The following ZFP1 variants were observed in gnomAD, a reference collection of about 807,000 sequenced individuals.
ZFP1 encodes the protein zinc finger protein 1 homolog.
Under a neutral mutation model 38.5 loss-of-function variants are expected in ZFP1, and 32 were observed. The observed-to-expected ratio is 0.83, with a 90% CI of 0.63 to 1.12. The LOEUF (loss-of-function observed/expected upper bound fraction) is 1.12, where lower values mean the gene tolerates loss of function less well. ZFP1 is among the 50% of genes most tolerant of loss of function. The pLI is 0.00. For missense variants in ZFP1, 616 were observed against 480.8 expected (o/e 1.28, Z -2.63); for synonymous variants, 245 against 168.8 (o/e 1.45, Z -3.50).
chr16:75,166,924 C>G, intron 3 of ZFP1, 28 bp downstream of exon 3: 1 of 1,608,212 alleles, frequency 6.2e-7, no homozygotes, highest in Non-Finnish European at 8.5e-7. Context: ...GTACAGCTCA[C>G]CATGTGCCTA....
At chr16:75,133,788 C>A in the ZFP1 span, among the ~76,000 whole-genome samples, 1 of 152,210 alleles carries the variant, frequency 6.6e-6, no homozygotes, top group Non-Finnish European at 1.5e-5. Context: ...GTAACTCACG[C>A]CTGTAATCCC....
chr16:75,153,282 ACATTCCTCAGTGCAAGTGCAG>A (rs2037298166), intron 2 of ZFP1, among the ~76,000 whole-genome samples: 1 of 152,156 alleles, frequency 6.6e-6, no homozygotes, highest in South Asian at 2.1e-4. Context: ...GTTTCATATA[ACATTCCTCAGTGCAAGTGCAG>A]AAGATTATTG....
At chr16:75,124,804 C>A in the ZFP1 span, among the ~76,000 whole-genome samples, 43 of 97,962 alleles carry the variant, frequency 4.4e-4, no homozygotes, top group Middle Eastern at 6.3e-3. Flanking sequence ...AAAAAAAAAG[C>A]AAGGTAAAAG....
intron 2 of ZFP1, among the ~76,000 whole-genome samples, chr16:75,159,528 C>G (rs2037658805): frequency 6.6e-6 from 1 of 151,266 alleles, no homozygotes; most frequent in South Asian, 2.1e-4. Context: ...CCACCCCAGC[C>G]TCTTGTGAAG....
At chr16:75,168,806 G>A (rs1204411346) in intron 3 of ZFP1, among the ~76,000 whole-genome samples, 1 of 152,140 alleles carries the variant, frequency 6.6e-6, no homozygotes, top group Non-Finnish European at 1.5e-5. Flanking sequence ...ATAGTAGTCC[G>A]AGTTTAGCAA....
At chr16:75,141,439 T>C in the ZFP1 span, among the ~76,000 whole-genome samples, 3 of 151,816 alleles carry the variant, frequency 2.0e-5, no homozygotes, top group South Asian at 6.2e-4. Context: ...TCTCCTGAAC[T>C]TGTGATCCGC....
chr16:75,166,446 G>C lies in ZFP1; in HGVS notation c.16-324G>C, dbSNP rs866478979. Reference sequence around the variant, plus strand: ...TCACCATGTTGTCCAGGCTGGTCTCGAACTCCCGACCTCAAGTGATTCCCC... The same window carrying C: ...TCACCATGTTGTCCAGGCTGGTCTCCAACTCCCGACCTCAAGTGATTCCCC... On this transcript the variant is annotated intron_variant, in intron 2 of 3. Coordinates refer to ENST00000570010, the MANE Select transcript of ZFP1 (RefSeq NM_153688.4). 6.5e-5 allele frequency: 42 copies of C among 645,770 alleles called. No homozygotes were observed. The Middle Eastern group carries it at 3.0e-3, about 47-fold the overall frequency. 40.0% of individuals were successfully genotyped at this position (645,770 alleles called of 1,614,324 possible). A position where few individuals can be genotyped will look rare whatever the true frequency, so the allele number is the denominator to read the frequency against.
In ZFP1 at chr16:75,166,929, TGCCTA is replaced by T. The variant is rs778140504; in HGVS notation, c.142+35_142+39del. 1.4e-5 allele frequency: 23 copies of T among 1,595,290 alleles called. No homozygotes were observed. In the South Asian group the frequency reaches 2.5e-4, roughly 17 times the overall value. On this transcript the variant is annotated intron_variant, in intron 3 of 3. Transcript: ENST00000570010. ...CGGTTTTCAGGTACAGCTCACCATG[TGCCTA>T]GAGGTATTTATGTCCTGTCTCAGTG...
At chr16:75,143,963 A>G (rs1033223282), upstream of ZFP1, 1 of 152,176 alleles carries the variant, frequency 6.6e-6, no homozygotes, top group African/African-American at 2.4e-5. Context: ...ACCAGTGGTG[A>G]TATTAATGTA....
chr16:75,161,776 T>TATATATATATATA (rs1225483116), intron 2 of ZFP1, among the ~76,000 whole-genome samples: 7 of 4,468 alleles, frequency 1.6e-3, no homozygotes, highest in Admixed American at 3.2e-3. Flanking sequence ...ATATATATAT[T>TATATATATATATA]TTTTTTTTTT....
the ZFP1 span, among the ~76,000 whole-genome samples, chr16:75,136,930 C>T: frequency 1.6e-4 from 24 of 152,076 alleles, no homozygotes; most frequent in Admixed American, 1.2e-3. Flanking sequence ...ATATGCACAC[C>T]TTAGTATACA....
intron 3 of ZFP1, among the ~76,000 whole-genome samples, chr16:75,168,360 C>T (rs1170009077): frequency 6.6e-6 from 1 of 152,010 alleles, no homozygotes; most frequent in African/African-American, 2.4e-5. Flanking sequence ...GTAGGCTGGG[C>T]ATGGTGGCTC....
the ZFP1 span, among the ~76,000 whole-genome samples, chr16:75,130,288 A>C: frequency 6.6e-6 from 1 of 152,072 alleles, no homozygotes; most frequent in Non-Finnish European, 1.5e-5. Flanking sequence ...GACATGAGCC[A>C]CCATGTCCAG....
Position 75,152,889 on chromosome 16 carries a change from TC to T in ZFP1, c.-43-18del, listed in dbSNP as rs1450728779. ...GGTCAGACCTTTAATAACAATGCCT[TC>T]CTTTTTCCTCTATTCCAGTTCTGCC... On this transcript the variant is annotated intron_variant, in intron 1 of 3. Transcript: ENST00000570010. 1 of 1,607,574 alleles carries T rather than the reference TC, an allele frequency of 6.2e-7. No individual in the cohort carries two copies. Among genetic ancestry groups the T allele is most frequent in the Non-Finnish European group, 8.5e-7 (1 of 1,177,100 alleles).
At chr16:75,139,308 G>A in the ZFP1 span, among the ~76,000 whole-genome samples, 1 of 135,644 alleles carries the variant, frequency 7.4e-6, no homozygotes, top group South Asian at 2.5e-4. Context: ...GTCGGAGCTT[G>A]CAGTGAGCCG....
chr16:75,136,226 C>T, the ZFP1 span, among the ~76,000 whole-genome samples: 2 of 152,152 alleles, frequency 1.3e-5, no homozygotes, highest in African/African-American at 4.8e-5. Flanking sequence ...AACAGCCCCA[C>T]TGAAGAGGGT....
intron 2 of ZFP1, among the ~76,000 whole-genome samples, chr16:75,161,804 G>T (rs2037805121): frequency 1.3e-4 from 1 of 7,784 alleles, no homozygotes; most frequent in Non-Finnish European, 2.9e-4. Flanking sequence ...TTTTTTTCCT[G>T]AGATGGAGTC....
At chr16:75,167,728 G>T (rs2145578463) in intron 3 of ZFP1, among the ~76,000 whole-genome samples, 1 of 152,240 alleles carries the variant, frequency 6.6e-6, no homozygotes, top group East Asian at 1.9e-4. Context: ...GCCTGGAGTA[G>T]CTGGGATCAC....
the ZFP1 span, among the ~76,000 whole-genome samples, chr16:75,136,241 G>C: frequency 6.6e-6 from 1 of 152,198 alleles, no homozygotes; most frequent in African/African-American, 2.4e-5. Context: ...GAGGGTTGGG[G>C]AAAAAGGCGC....
Sources: gnomAD v4.1 joint callset for allele counts (sites outside exome capture counted in the v4.1 genomes callset) on GRCh38, gnomAD v4.1.1 for gene constraint, MANE v1.5 for transcripts, NCBI Gene and HGNC (gene_info 2026-07-23, HGNC 2026-07-21) for gene names.